The following DGKB variants were observed in gnomAD, a reference collection of about 807,000 sequenced individuals.
DGKB encodes the protein 90 kDa diacylglycerol kinase.
DGKB carries 67 observed loss-of-function variants against 114.3 expected under a neutral mutation model. That is an observed-to-expected ratio of 0.59 (90% CI 0.48 to 0.72). The LOEUF is 0.72. Ranked by LOEUF, DGKB falls within the 30% of genes least tolerant of loss-of-function variation. The pLI, the probability that DGKB is intolerant of heterozygous loss-of-function variation, is 0.00. For missense variants in DGKB, 907 were observed against 975.2 expected (o/e 0.93, Z 0.93); for synonymous variants, 398 against 323.1 (o/e 1.23, Z -2.49).
intron 1 of DGKB, among the ~76,000 whole-genome samples, chr7:14,868,607 G>C (rs1261634647): frequency 1.3e-5 from 2 of 151,884 alleles, no homozygotes; most frequent in Admixed American, 1.3e-4. Flanking sequence ...AGTAGCTCTA[G>C]CTCTGCCCCT....
Position 14,433,849 on chromosome 7 carries a change from C to G in DGKB, c.1835+44312G>C, listed in dbSNP as rs62443277. On this transcript the variant is annotated intron_variant, in intron 21 of 25. Transcript: ENST00000402815. Reference sequence around the variant, plus strand: ...CTTGGGGATGGGACCCAAGTCTAAACATGAAATGAATTTATGTCTTATATA... The same window carrying G: ...CTTGGGGATGGGACCCAAGTCTAAAGATGAAATGAATTTATGTCTTATATA... Among the ~76,000 whole-genome samples the G allele has an allele frequency of 5.2e-3, 786 of 152,248 alleles. 5 individuals are homozygous for G. Among genetic ancestry groups the G allele is most frequent in the Middle Eastern group, 0.017 (5 of 294 alleles).
chr7:14,723,794 A>G (rs1320441702), intron 5 of DGKB, among the ~76,000 whole-genome samples: 1 of 152,178 alleles, frequency 6.6e-6, no homozygotes, highest in African/African-American at 2.4e-5. Context: ...TTTAGTTATA[A>G]AAAGTAGTTA....
At chr7:14,556,672 G>T (rs924871565) in intron 20 of DGKB, among the ~76,000 whole-genome samples, 1 of 152,042 alleles carries the variant, frequency 6.6e-6, no homozygotes, top group African/African-American at 2.4e-5. Flanking sequence ...ACCCGTTTTG[G>T]CTTTCTTGAA....
chr7:14,510,147 G>T (rs552200531), intron 20 of DGKB, among the ~76,000 whole-genome samples: 1 of 152,150 alleles, frequency 6.6e-6, no homozygotes, highest in Non-Finnish European at 1.5e-5. Context: ...GGCTGGGGTG[G>T]CTGTGGCAAT....
intron 8 of DGKB, among the ~76,000 whole-genome samples, chr7:14,695,838 G>A (rs1585730502): frequency 1.3e-5 from 2 of 151,772 alleles, no homozygotes; most frequent in Non-Finnish European, 2.9e-5. Flanking sequence ...GCAAACCTAT[G>A]AGAAGCCTGC....
intron 21 of DGKB, among the ~76,000 whole-genome samples, chr7:14,413,621 A>C (rs1481916573): frequency 6.6e-6 from 1 of 152,052 alleles, no homozygotes; most frequent in African/African-American, 2.4e-5. Flanking sequence ...TAGGAGATAT[A>C]ATGTCACAGA....
At chr7:14,616,219 C>CAT in intron 15 of DGKB, among the ~76,000 whole-genome samples, 1 of 147,182 alleles carries the variant, frequency 6.8e-6, no homozygotes, top group East Asian at 2.0e-4. Flanking sequence ...ATATAATATA[C>CAT]ATATATACAT....
At chr7:14,691,304 G>A (rs1822822860) in intron 9 of DGKB, among the ~76,000 whole-genome samples, 1 of 152,042 alleles carries the variant, frequency 6.6e-6, no homozygotes, top group South Asian at 2.1e-4. Context: ...CCTACTCCCC[G>A]AGCTCATAAT....
chr7:14,508,042 C>A (rs1020888373), intron 20 of DGKB, among the ~76,000 whole-genome samples: 3 of 152,144 alleles, frequency 2.0e-5, no homozygotes, highest in African/African-American at 4.8e-5. Flanking sequence ...TTTAGTCTTT[C>A]GTCTTTACCC....
intron 21 of DGKB, among the ~76,000 whole-genome samples, chr7:14,357,090 G>T (rs890248910): frequency 2.0e-5 from 3 of 152,212 alleles, no homozygotes; most frequent in African/African-American, 4.8e-5. Flanking sequence ...GGGGTGCAGA[G>T]TTCTGTGGAT....
At chr7:14,737,175 C>T (rs1034891195) in intron 4 of DGKB, among the ~76,000 whole-genome samples, 17 of 151,394 alleles carry the variant, frequency 1.1e-4, no homozygotes, top group African/African-American at 4.1e-4. Flanking sequence ...TCCAGTAGGG[C>T]ATTTGAAAGG....
chr7:14,489,120 A>G (rs1480967256), intron 20 of DGKB, among the ~76,000 whole-genome samples: 1 of 152,198 alleles, frequency 6.6e-6, no homozygotes, highest in Non-Finnish European at 1.5e-5. Flanking sequence ...AGAATATTTC[A>G]CAAACTCTGC....
intron 6 of DGKB, among the ~76,000 whole-genome samples, chr7:14,705,578 C>A (rs4292589): frequency 0.32 from 41,717 of 129,154 alleles, 4,136 homozygotes; most frequent in East Asian, 0.63. Context: ...AGGTCGGGTT[C>A]CCCTCAAAGG....
intron 25 of DGKB, among the ~76,000 whole-genome samples, chr7:14,171,357 G>A (rs1327741850): frequency 6.6e-6 from 1 of 152,112 alleles, no homozygotes; most frequent in African/African-American, 2.4e-5. Flanking sequence ...GGAAGTTTCA[G>A]GAGTTTTTTT....
chr7:14,162,772 C>T (rs767673124), intron 25 of DGKB, among the ~76,000 whole-genome samples: 2 of 152,134 alleles, frequency 1.3e-5, no homozygotes, highest in East Asian at 1.9e-4. Flanking sequence ...GGATGGAAAA[C>T]ATTTAAAATA....
At chr7:14,776,195 T>A (rs1027834236) in intron 2 of DGKB, among the ~76,000 whole-genome samples, 7 of 152,120 alleles carry the variant, frequency 4.6e-5, no homozygotes, top group Non-Finnish European at 7.4e-5. Flanking sequence ...ATGGAAAAAA[T>A]TTCTAAGCAG....
intron 23 of DGKB, among the ~76,000 whole-genome samples, chr7:14,328,519 A>G (rs1809155798): frequency 6.6e-6 from 1 of 151,998 alleles, no homozygotes; most frequent in Non-Finnish European, 1.5e-5. Flanking sequence ...TTGTTCAAAG[A>G]TACATTTTCT....
intron 20 of DGKB, among the ~76,000 whole-genome samples, chr7:14,539,474 T>C (rs1184547825): frequency 6.6e-6 from 1 of 152,152 alleles, no homozygotes; most frequent in Non-Finnish European, 1.5e-5. Context: ...TATAACTTCA[T>C]AAATTTACTA....
chr7:14,170,201 G>GAAAGAAAGAAAT (rs1554272246), intron 25 of DGKB, among the ~76,000 whole-genome samples: 11 of 142,676 alleles, frequency 7.7e-5, no homozygotes, highest in Non-Finnish European at 1.7e-4. Flanking sequence ...AAGAAAGAAA[G>GAAAGAAAGAAAT]AAATACATTA....
Sources: allele counts gnomAD v4.1 joint callset (sites outside exome capture counted in the v4.1 genomes callset), GRCh38; gene constraint gnomAD v4.1.1; transcripts MANE v1.5; gene names NCBI Gene and HGNC (gene_info 2026-07-23, HGNC 2026-07-21).